The following CARNS1 variants were observed in gnomAD, a reference collection of about 807,000 sequenced individuals.
CARNS1 encodes ATP-grasp domain containing 1.
CARNS1 carries 61 observed loss-of-function variants against 74.0 expected under a neutral mutation model. The ratio of observed to expected loss-of-function variants is 0.82; its 90% CI spans 0.67 to 1.02. The LOEUF is 1.02. CARNS1 is among the 50% of genes least tolerant of loss of function. The pLI is 0.00. For synonymous variants in CARNS1, 568 were observed against 605.5 expected, an observed-to-expected ratio of 0.94 and a Z score of 0.91; for missense variants, 1,278 against 1,308.4, an observed-to-expected ratio of 0.98 and a Z score of 0.36.
In CARNS1 at chr11:67,424,083, A is replaced by T; in HGVS notation, c.2335A>T (p.Met779Leu). The stretch of plus-strand genomic sequence containing the variant: ...GCTGGCACCAGAGCAGGAGGCACAG[A>T]TGGTTCAGGCAGCCTTCCGCTGTTG... ...TGLAPEQEAQMVQAAFRCCLG... is the reference protein window; with the variant it reads ...TGLAPEQEAQLVQAAFRCCLG... The change falls in exon 10 of 10, where the codon ATG (methionine) becomes TTG (leucine). Residue 779 changes from methionine (M) to leucine (L), a missense_variant. By Grantham distance (15) the Met-to-Leu change is conservative. Coordinates refer to ENST00000687366, the MANE Select transcript of CARNS1 (RefSeq NM_001166222.2). 4.3e-6 allele frequency: 7 copies of T among 1,613,464 alleles called. No individual in the cohort carries two copies. Among genetic ancestry groups the T allele is most frequent in the Non-Finnish European group, 5.9e-6 (7 of 1,179,746 alleles).
chr11:67,422,724 C>G (rs1022695759), intron 9 of CARNS1, among the ~76,000 whole-genome samples: 1 of 152,224 alleles, frequency 6.6e-6, no homozygotes, highest in Non-Finnish European at 1.5e-5. Context: ...CCTCTCCCAC[C>G]GTGCAGCACC....
rs755060292 is a variant in CARNS1, at chr11:67,424,104, T to C, written c.2356T>C (p.Cys786Arg). ...ACAGATGGTTCAGGCAGCCTTCCGC[T>C]GTTGCCTGGGCTGCGGGTTGCTCGA... ...EAQMVQAAFR[C>R]CLGCGLLDGV... The change falls in exon 10 of 10, where the codon TGT becomes CGT. Residue 786 changes from cysteine to arginine, a missense_variant. Transcript: ENST00000687366. 3.7e-6 allele frequency: 6 copies of C among 1,613,670 alleles called. No individual in the cohort carries two copies. Among genetic ancestry groups the C allele is most frequent in the Non-Finnish European group, 5.1e-6 (6 of 1,179,820 alleles).
chr11:67,423,823 C>T lies in CARNS1; in HGVS notation c.2075C>T (p.Pro692Leu), dbSNP rs1167145775. Residue 692 changes from proline to leucine, a missense_variant, in exon 10 of 10, where the codon CCA becomes CTA. By Grantham distance (98) the Pro-to-Leu change is moderately conservative. Coordinates refer to ENST00000687366, the MANE Select transcript of CARNS1 (RefSeq NM_001166222.2). The surrounding 1 kb of genome is among the most constrained non-coding windows in gnomAD (Gnocchi z 5.1). ...AVGVRLVEDA[P>L]QCHEHFSRIT... ...GGTGTCCGGCTGGTAGAGGATGCGC[C>T]ACAGTGCCATGAGCACTTTTCCCGG... 6.2e-7 allele frequency: 1 copy of T among 1,610,170 alleles called. No homozygotes were observed. Among genetic ancestry groups the T allele is most frequent in the Non-Finnish European group, 8.5e-7 (1 of 1,179,778 alleles).
In CARNS1 at chr11:67,424,284, C is replaced by A; in HGVS notation, c.2536C>A (p.Arg846Ser). ...LAAVMVACGLRPALPTRPRAR... is the reference protein window; with the variant it reads ...LAAVMVACGLSPALPTRPRAR... The stretch of plus-strand genomic sequence containing the variant: ...TGCTGTTATGGTGGCCTGTGGCTTG[C>A]GTCCTGCCCTGCCCACCCGCCCACG... Residue 846 changes from arginine to serine, a missense_variant, in exon 10 of 10, where the codon CGT becomes AGT. Physicochemically the swap from Arg to Ser is moderately radical, Grantham distance 110. This residue lies in a region of CARNS1 where 1,164 missense variants were observed against 1,156.5 expected (regional missense o/e 1.01). Coordinates refer to ENST00000687366, the MANE Select transcript of CARNS1 (RefSeq NM_001166222.2). 1 of 1,612,626 alleles carries A rather than the reference C, an allele frequency of 6.2e-7. No homozygotes were observed. The highest frequency in any genetic ancestry group is 1.3e-5 in the African/African-American group (1 of 75,034).
chr11:67,418,029 C>T (rs557632498), intron 3 of CARNS1, among the ~76,000 whole-genome samples: 2 of 152,286 alleles, frequency 1.3e-5, no homozygotes, highest in South Asian at 4.1e-4. Context: ...CCCCTTCTGC[C>T]CCTCCACGCC....
At position 67,424,816 on chromosome 11, in the gene CARNS1, G is replaced by T; in HGVS notation, c.*215G>T. On this transcript the variant is annotated 3_prime_UTR_variant, in exon 10 of 10. Transcript: ENST00000687366. ...TTGCCCTCCCGAAGGCCCCAGTCCAGCCTACAGCTTCCCCAGCATTCTAGC... is the reference window on the plus strand; with the variant it reads ...TTGCCCTCCCGAAGGCCCCAGTCCATCCTACAGCTTCCCCAGCATTCTAGC... The T allele has an allele frequency of 1.6e-6, 1 of 634,872 alleles. No homozygotes were observed. Among genetic ancestry groups the T allele is most frequent in the Non-Finnish European group, 2.8e-6 (1 of 355,618 alleles). The allele number at this position is 634,872 out of a possible 1,614,324, so 39.3% of individuals were successfully genotyped here.
Position 67,421,128 on chromosome 11 carries a change from G to A in CARNS1, c.1535G>A (p.Cys512Tyr). ...VETMLRRSAR[C>Y]LMEGKQLLVV... Reference sequence around the variant, plus strand: ...ACCATGCTTCGGCGGTCGGCGCGCTGCCTCATGGAGGGAAAACAGCTGCTG... The same window carrying A: ...ACCATGCTTCGGCGGTCGGCGCGCTACCTCATGGAGGGAAAACAGCTGCTG... The change falls in exon 9 of 10, where the codon TGC becomes TAC. Residue 512 changes from cysteine (C) to tyrosine (Y), a missense_variant. This residue lies in a region of CARNS1 where 1,164 missense variants were observed against 1,156.5 expected (regional missense o/e 1.01). Coordinates refer to ENST00000687366, the MANE Select transcript of CARNS1 (RefSeq NM_001166222.2). 1 of 1,475,026 alleles carries A rather than the reference G, an allele frequency of 6.8e-7. No homozygotes were observed. Among genetic ancestry groups the A allele is most frequent in the African/African-American group, 1.5e-5 (1 of 68,040 alleles). 91.4% of individuals were successfully genotyped at this position (1,475,026 alleles called of 1,614,324 possible).
At chr11:67,416,314 A>C in intron 2 of CARNS1, 112 bp downstream of exon 2, 9 of 1,524,156 alleles carry the variant, frequency 5.9e-6, no homozygotes, top group Non-Finnish European at 7.9e-6. Flanking sequence ...CCCCCTGCAG[A>C]CAGCTTAGAC....
rs768346960 is a variant in CARNS1 at position 67,419,214 on chromosome 11, C to T, written c.823C>T (p.Arg275Cys). 3.6e-5 allele frequency: 54 copies of T among 1,492,056 alleles called. No individual in the cohort carries two copies. The highest frequency in any genetic ancestry group is 3.9e-4 in the Middle Eastern group (2 of 5,130). 92.4% of individuals were successfully genotyped at this position (1,492,056 alleles called of 1,614,324 possible). A position where few individuals can be genotyped will look rare whatever the true frequency, so the allele number is the denominator to read the frequency against. The change falls in exon 5 of 10, where the codon CGC becomes TGC. Residue 275 changes from arginine (R) to cysteine (C), a missense_variant. Transcript: ENST00000687366. ...LVKEEVEAFL[R>C]SEALGDILQV... ...GAAAGAGGAAGTGGAGGCTTTTCTG[C>T]GCTCCGAGGCCCTGGGTGATATCCT... is the stretch of plus-strand genomic sequence containing the variant.
chr11:67,416,061 G>A, intron 1 of CARNS1, 115 bp from the exon 2 acceptor site: 4 of 716,160 alleles, frequency 5.6e-6, no homozygotes, highest in Non-Finnish European at 1.0e-5. Flanking sequence ...GCCTCTCTCT[G>A]CAGGGACAGG....
chr11:67,424,105 G>C lies in CARNS1; in HGVS notation c.2357G>C (p.Cys786Ser), dbSNP rs1312510377. ...CAGATGGTTCAGGCAGCCTTCCGCTGTTGCCTGGGCTGCGGGTTGCTCGAT... is the reference window on the plus strand; with the variant it reads ...CAGATGGTTCAGGCAGCCTTCCGCTCTTGCCTGGGCTGCGGGTTGCTCGAT... ...EAQMVQAAFR[C>S]CLGCGLLDGV... The change falls in exon 10 of 10, where the codon TGT (cysteine) becomes TCT (serine). Residue 786 changes from cysteine to serine, a missense_variant. This residue lies in a region of CARNS1 where 1,164 missense variants were observed against 1,156.5 expected (regional missense o/e 1.01). Transcript: ENST00000687366. 6.2e-7 allele frequency: 1 copy of C among 1,613,694 alleles called. No homozygotes were observed. Among genetic ancestry groups the C allele is most frequent in the Admixed American group, 1.7e-5 (1 of 59,972 alleles).
rs80017078 is a variant in CARNS1 at position 67,417,777 on chromosome 11, A to C, written c.274+100A>C. ...CCTGTCAAGGTCGGCCCCTTCCCCT[A>C]GGCTCTGGTTCCATCTGAAGGCAGG... On this transcript the variant is annotated intron_variant, in intron 3 of 9. Transcript: ENST00000687366. 2,164 of 876,110 alleles carry C rather than the reference A, an allele frequency of 2.5e-3. 32 individuals carry two copies. In the African/African-American group the frequency reaches 0.034, roughly 14 times the overall value. The allele number at this position is 876,110 out of a possible 1,614,324, so 54.3% of individuals were successfully genotyped here. A position where few individuals can be genotyped will look rare whatever the true frequency, so the allele number is the denominator to read the frequency against.
intron 9 of CARNS1, among the ~76,000 whole-genome samples, chr11:67,422,648 T>C (rs539462566): frequency 1.3e-5 from 2 of 152,254 alleles, no homozygotes; most frequent in African/African-American, 2.4e-5. Context: ...CTTATCCCCA[T>C]TGAACAGATA....
chr11:67,421,007 CTG>C lies in CARNS1; in HGVS notation c.1418_1419del (p.Cys473SerfsTer92). The C allele has an allele frequency of 1.4e-6, 2 of 1,416,440 alleles. No homozygotes were observed. The highest frequency in any genetic ancestry group is 2.9e-5 in the Admixed American group (1 of 34,186). 87.7% of individuals were successfully genotyped at this position (1,416,440 alleles called of 1,614,324 possible). On this transcript the variant is annotated frameshift_variant, in exon 9 of 10. Transcript: ENST00000687366. LOFTEE classifies it high-confidence loss of function. ...TPVALELNGGLCLEACGALEG... is the reference protein window; with the variant it reads ...TPVALELNGGXCLEACGALEG... Reference sequence around the variant, plus strand: ...AGTGGCCCTGGAGCTGAACGGCGGCCTGTGTCTGGAGGCGTGCGGCGCGCTGG... The same window carrying C: ...AGTGGCCCTGGAGCTGAACGGCGGCCTGTCTGGAGGCGTGCGGCGCGCTGG...
At chr11:67,419,365 A>C in intron 5 of CARNS1, 122 bp downstream of exon 5, 1 of 1,484,606 alleles carries the variant, frequency 6.7e-7, no homozygotes, top group Non-Finnish European at 9.0e-7. Context: ...GCCCTGCCCC[A>C]TCTCTGGGGC....
At position 67,419,027 on chromosome 11, in the gene CARNS1, C is replaced by T. The variant is rs775332669; in HGVS notation, c.636C>T (p.Asp212=). The T allele has an allele frequency of 2.6e-6, 4 of 1,557,582 alleles. No homozygotes were observed. The highest frequency in any genetic ancestry group is 4.8e-5 in the East Asian group (2 of 41,390). Residue 212 remains aspartate (D), a synonymous_variant, in exon 5 of 10, where the codon GAC becomes GAT. Transcript: ENST00000687366. The stretch of plus-strand genomic sequence containing the variant: ...CTGAGCTGGCCCGGCTGCTGGAGGA[C>T]CGGCTGCTGACAAGGCAGTTGCTGG... ...ASAELARLLE[D]RLLTRQLLAQ...
intron 9 of CARNS1, among the ~76,000 whole-genome samples, chr11:67,422,802 C>T (rs1421148391): frequency 6.6e-6 from 1 of 152,252 alleles, no homozygotes; most frequent in Non-Finnish European, 1.5e-5. Context: ...TGTCACTCCA[C>T]TGCCGAGGCT....
chr11:67,424,870 C>A lies in CARNS1; in HGVS notation c.*269C>A. ...GGAGAAATGACAATGGCCACACACACACACACACACACACACACACACCTC... is the reference window on the plus strand; with the variant it reads ...GGAGAAATGACAATGGCCACACACAAACACACACACACACACACACACCTC... On this transcript the variant is annotated 3_prime_UTR_variant, in exon 10 of 10. Transcript: ENST00000687366. 1 of 621,896 alleles carries A rather than the reference C, an allele frequency of 1.6e-6. No homozygotes were observed. The highest frequency in any genetic ancestry group is 3.0e-6 in the Non-Finnish European group (1 of 337,928). 38.5% of individuals were successfully genotyped at this position (621,896 alleles called of 1,614,324 possible).
intron 9 of CARNS1, among the ~76,000 whole-genome samples, chr11:67,422,377 T>C (rs1265438119): frequency 6.6e-6 from 1 of 151,388 alleles, no homozygotes; most frequent in East Asian, 1.9e-4. Context: ...GAGACAGGGT[T>C]TCACCATGTT....
Sources: allele counts gnomAD v4.1 joint callset (sites outside exome capture counted in the v4.1 genomes callset), GRCh38; gene constraint gnomAD v4.1.1; regional missense constraint gnomAD v4.1.1; non-coding constraint Gnocchi (gnomAD v3.1); transcripts MANE v1.5; gene names NCBI Gene and HGNC (gene_info 2026-07-23, HGNC 2026-07-21).